The following CUBN variants were observed in gnomAD, a reference collection of about 807,000 sequenced individuals.
CUBN encodes 460 kDa receptor.
Under a neutral mutation model 405.3 loss-of-function variants are expected in CUBN, and 282 were observed. That is an observed-to-expected ratio of 0.70 (90% CI 0.63 to 0.77). The LOEUF is 0.77. Among genes scored for constraint, CUBN ranks in the 30% least tolerant of loss-of-function variants. The pLI is 0.00. For missense variants in CUBN, 4,514 were observed against 4,475.2 expected (o/e 1.01, Z -0.25); for synonymous variants, 1,684 against 1,617.0 (o/e 1.04, Z -0.99).
At chr10:16,858,884 CT>C (rs1284659911) in intron 59 of CUBN, among the ~76,000 whole-genome samples, 7 of 152,152 alleles carry the variant, frequency 4.6e-5, no homozygotes, top group Non-Finnish European at 1.0e-4. Context: ...GAAGGACAGC[CT>C]TTTCAACCAA....
At chr10:17,109,602 T>C in intron 10 of CUBN, 38 bp downstream of exon 10, 2 of 1,519,384 alleles carry the variant, frequency 1.3e-6, no homozygotes, top group Non-Finnish European at 1.8e-6. Flanking sequence ...AAGGTCATAT[T>C]ACAATACCCA....
intron 6 of CUBN, among the ~76,000 whole-genome samples, chr10:17,118,377 T>C (rs181434677): frequency 6.6e-6 from 1 of 152,352 alleles, no homozygotes; most frequent in East Asian, 1.9e-4. Flanking sequence ...CTGCATGTTA[T>C]ATTCTTACAT....
At chr10:17,041,273 C>T in intron 26 of CUBN, 53 bp from the exon 27 acceptor site, 1 of 1,433,690 alleles carries the variant, frequency 7.0e-7, no homozygotes, top group South Asian at 1.2e-5. Context: ...CATAAGTGCT[C>T]CAAGATGAGA....
chr10:16,836,825 G>A (rs1308197914), intron 62 of CUBN, among the ~76,000 whole-genome samples: 2 of 152,128 alleles, frequency 1.3e-5, no homozygotes, highest in Non-Finnish European at 2.9e-5. Flanking sequence ...AGAGCCTTTG[G>A]TTCCACTGTA....
At chr10:16,921,708 G>A (rs1842038820) in intron 43 of CUBN, among the ~76,000 whole-genome samples, 1 of 152,192 alleles carries the variant, frequency 6.6e-6, no homozygotes, top group African/African-American at 2.4e-5. Flanking sequence ...GACATTGCTG[G>A]AGGCCCTCAG....
chr10:16,853,749 G>T (rs1164305091), intron 59 of CUBN, among the ~76,000 whole-genome samples: 1 of 152,162 alleles, frequency 6.6e-6, no homozygotes, highest in Admixed American at 6.5e-5. Context: ...TCTGAAATGG[G>T]CCTGCAAACT....
intron 28 of CUBN, among the ~76,000 whole-genome samples, chr10:17,000,982 C>T (rs1221734583): frequency 1.2e-4 from 19 of 152,266 alleles, no homozygotes; most frequent in Admixed American, 7.2e-4. Flanking sequence ...ATGGTGTGTC[C>T]GGAGTTTGCT....
At chr10:16,891,771 G>T (rs1049630680) in intron 54 of CUBN, among the ~76,000 whole-genome samples, 1 of 152,128 alleles carries the variant, frequency 6.6e-6, no homozygotes, top group African/African-American at 2.4e-5. Flanking sequence ...CTAGTTCAGA[G>T]GTCTCAACTA....
intron 28 of CUBN, among the ~76,000 whole-genome samples, chr10:17,011,059 C>T (rs1834165651): frequency 2.6e-5 from 4 of 152,192 alleles, no homozygotes; most frequent in Admixed American, 2.6e-4. Context: ...CTGGTATAAT[C>T]TTGGAACTCC....
chr10:16,996,942 C>T (rs536931286), intron 28 of CUBN, among the ~76,000 whole-genome samples: 5 of 152,258 alleles, frequency 3.3e-5, no homozygotes, highest in East Asian at 1.9e-4. Context: ...GCTGTTAAAA[C>T]GAAGCCAAAA....
intron 39 of CUBN, among the ~76,000 whole-genome samples, chr10:16,936,772 G>A (rs942772276): frequency 6.6e-6 from 1 of 152,172 alleles, no homozygotes; most frequent in Non-Finnish European, 1.5e-5. Flanking sequence ...GAGCGCAGTG[G>A]CATGTTCTCG....
intron 60 of CUBN, 94 bp from the exon 61 acceptor site, chr10:16,841,141 A>C (rs976583526): frequency 5.9e-6 from 6 of 1,011,182 alleles, no homozygotes; most frequent in Non-Finnish European, 7.6e-6. Context: ...AGGTCACGGT[A>C]AACATTTTTA....
intron 47 of CUBN, 52 bp from the exon 48 acceptor site, chr10:16,914,044 T>C (rs1447096784): frequency 6.3e-7 from 1 of 1,593,262 alleles, no homozygotes; most frequent in Admixed American, 1.7e-5. Context: ...AAATGTTTCC[T>C]TCCATCAAGA....
At chr10:17,072,278 A>G (rs575523136) in intron 17 of CUBN, among the ~76,000 whole-genome samples, 1 of 152,222 alleles carries the variant, frequency 6.6e-6, no homozygotes, top group Admixed American at 6.5e-5. Context: ...AAAACAATAA[A>G]AAATGAGAAT....
intron 66 of CUBN, among the ~76,000 whole-genome samples, chr10:16,827,599 T>C (rs1838821540): frequency 6.6e-6 from 1 of 152,194 alleles, no homozygotes; most frequent in Non-Finnish European, 1.5e-5. Flanking sequence ...AATTTTCCCT[T>C]ACTTACTCTC....
chr10:16,924,934 AG>A (rs139777001), intron 43 of CUBN, among the ~76,000 whole-genome samples: 19,802 of 152,158 alleles, frequency 0.13, 1,259 homozygotes, highest in South Asian at 0.17. Context: ...GAAAGGTCTA[AG>A]GAATTCCAGG....
In CUBN at chr10:16,951,010, T is replaced by C. The variant is rs147312265; in HGVS notation, c.4970-899A>G. Among the ~76,000 whole-genome samples the C allele has an allele frequency of 2.6e-4, 39 of 152,356 alleles. No individual in the cohort carries two copies. In the East Asian group the frequency reaches 4.2e-3, roughly 17 times the overall value. ...TTTATCAAGAAAGTTTTGAATTACT[T>C]GCAGAACAGCAAGCACCTGGATACA... On this transcript the variant is annotated intron_variant, in intron 33 of 66. Transcript: ENST00000377833.
intron 14 of CUBN, among the ~76,000 whole-genome samples, chr10:17,098,608 A>G (rs1836429340): frequency 6.6e-6 from 1 of 152,208 alleles, no homozygotes; most frequent in Non-Finnish European, 1.5e-5. Context: ...TAATAGTTAC[A>G]AAGACTGGAA....
chr10:16,885,358 T>A (rs147631457), intron 56 of CUBN, among the ~76,000 whole-genome samples: 13 of 152,282 alleles, frequency 8.5e-5, no homozygotes, highest in African/African-American at 3.1e-4. Context: ...TTCAACTGAG[T>A]GAGGATTGGC....
Sources: gnomAD v4.1 joint callset for allele counts (sites outside exome capture counted in the v4.1 genomes callset) on GRCh38, gnomAD v4.1.1 for gene constraint, MANE v1.5 for transcripts, NCBI Gene and HGNC (gene_info 2026-07-23, HGNC 2026-07-21) for gene names.